The following FAT3 variants were observed in gnomAD, a reference collection of about 807,000 sequenced individuals.
FAT3 encodes the protein FAT atypical cadherin 3.
Under a neutral mutation model 310.2 loss-of-function variants are expected in FAT3, and 95 were observed. That is an observed-to-expected ratio of 0.31 (90% confidence interval 0.26 to 0.36). FAT3 has a LOEUF of 0.36. Ranked by LOEUF, FAT3 falls within the 10% of genes least tolerant of loss-of-function variation. The pLI is 1.00. For synonymous variants in FAT3, 2,314 were observed against 2,192.9 expected (o/e 1.06, Z -1.54); for missense variants, 5,408 against 5,715.6 (o/e 0.95, Z 1.74).
At chr11:92,337,425 TTTTG>T (rs1181168380) in intron 1 of FAT3, among the ~76,000 whole-genome samples, 16 of 152,272 alleles carry the variant, frequency 1.1e-4, no homozygotes, top group East Asian at 7.7e-4. Flanking sequence ...AAAACAGTTT[TTTTG>T]TTTGTTTGTT....
intron 2 of FAT3, among the ~76,000 whole-genome samples, chr11:92,367,741 T>C (rs1483332975): frequency 6.6e-6 from 1 of 152,262 alleles, no homozygotes; most frequent in African/African-American, 2.4e-5. Context: ...TCATTCATCA[T>C]GTTCCCTGTG....
chr11:92,839,638 C>T (rs966859648), intron 17 of FAT3, among the ~76,000 whole-genome samples: 5 of 152,166 alleles, frequency 3.3e-5, no homozygotes, highest in South Asian at 2.1e-4. Context: ...AGTGTATCAT[C>T]GTCTCCATCT....
intron 11 of FAT3, among the ~76,000 whole-genome samples, chr11:92,805,968 G>A (rs747533417): frequency 4.6e-5 from 7 of 152,320 alleles, no homozygotes; most frequent in Middle Eastern, 3.4e-3. Context: ...CCAAATGCTG[G>A]TAGTGGCTCT....
At chr11:92,787,326 T>C (rs1249117911) in intron 7 of FAT3, among the ~76,000 whole-genome samples, 1 of 152,032 alleles carries the variant, frequency 6.6e-6, no homozygotes, top group African/African-American at 2.4e-5. Flanking sequence ...GTATAGAAGC[T>C]GAACTGCTTT....
At chr11:92,346,636 C>T (rs895484233) in intron 1 of FAT3, among the ~76,000 whole-genome samples, 5 of 151,972 alleles carry the variant, frequency 3.3e-5, no homozygotes, top group Admixed American at 6.6e-5. Flanking sequence ...TACTATGTGC[C>T]GGACACTATG....
chr11:92,417,928 G>T (rs559418140), intron 2 of FAT3, among the ~76,000 whole-genome samples: 185 of 152,268 alleles, frequency 1.2e-3, no homozygotes, highest in Non-Finnish European at 1.9e-3. Context: ...AGTAGATATA[G>T]AAGGTGCTTT....
chr11:92,885,093 A>G (rs1486346914), intron 24 of FAT3, among the ~76,000 whole-genome samples: 1 of 152,174 alleles, frequency 6.6e-6, no homozygotes, highest in Non-Finnish European at 1.5e-5. Flanking sequence ...GCTAAAATAG[A>G]TGTATAGTGA....
chr11:92,831,652 C>A lies in FAT3; in HGVS notation c.9512C>A (p.Ala3171Glu). Reference protein sequence around the residue: ...GINRKVVYSLADSAGGVFSID... With the variant: ...GINRKVVYSLEDSAGGVFSID... The stretch of plus-strand genomic sequence containing the variant: ...AATAGGAAGGTCGTGTACTCCCTGG[C>A]AGACTCAGCTGGTGGGGTCTTCTCC... Residue 3171 changes from alanine to glutamate, a missense_variant, in exon 14 of 28, where the codon GCA (alanine) becomes GAA (glutamate). By Grantham distance (107) the Ala-to-Glu change is moderately radical (BLOSUM62 -1). Around this residue, in one of 5 missense-constraint regions of FAT3, gnomAD observed 4,588 missense variants for 4,809.8 expected, o/e 0.95. Coordinates refer to ENST00000525166, the MANE Select transcript of FAT3 (RefSeq NM_001367949.2). 6.2e-7 allele frequency: 1 copy of A among 1,613,026 alleles called. No homozygotes were observed. The highest frequency in any genetic ancestry group is 8.5e-7 in the Non-Finnish European group (1 of 1,179,660).
intron 2 of FAT3, among the ~76,000 whole-genome samples, chr11:92,503,888 T>C (rs1395649825): frequency 6.6e-6 from 1 of 152,170 alleles, no homozygotes; most frequent in Admixed American, 6.6e-5. Context: ...AGGGATTTGC[T>C]TTGTGCTCTT....
At chr11:92,884,023 CAA>C (rs879804140) in intron 24 of FAT3, among the ~76,000 whole-genome samples, 19 of 152,156 alleles carry the variant, frequency 1.2e-4, no homozygotes, top group Admixed American at 9.2e-4. Context: ...GACCATGAAA[CAA>C]GAGGGGGATC....
At chr11:92,796,565 T>C (rs1255969533) in intron 9 of FAT3, among the ~76,000 whole-genome samples, 3 of 152,198 alleles carry the variant, frequency 2.0e-5, no homozygotes, top group African/African-American at 7.2e-5. Context: ...TTAAATTATA[T>C]ACCTATCATA....
rs371129841 is a variant in FAT3 at position 92,831,723 on chromosome 11, C to T, written c.9583C>T (p.Arg3195Cys). ...CATCATCCTGGAGCAGCCACTGGACCGTGAGCAGCAGTCTTCGTACAACAT... is the reference window on the plus strand; with the variant it reads ...CATCATCCTGGAGCAGCCACTGGACTGTGAGCAGCAGTCTTCGTACAACAT... Reference protein sequence around the residue: ...GIIILEQPLDREQQSSYNISV... With the variant: ...GIIILEQPLDCEQQSSYNISV... Residue 3195 changes from arginine (R) to cysteine (C), a missense_variant, in exon 14 of 28, where the codon CGT becomes TGT. Around this residue, in one of 5 missense-constraint regions of FAT3, gnomAD observed 4,588 missense variants for 4,809.8 expected, o/e 0.95. Transcript: ENST00000525166. The T allele has an allele frequency of 4.3e-6, 7 of 1,613,390 alleles. No homozygotes were observed. The highest frequency in any genetic ancestry group is 1.7e-5 in the Admixed American group (1 of 59,970).
At chr11:92,646,519 A>T (rs574116597) in intron 3 of FAT3, among the ~76,000 whole-genome samples, 1 of 152,198 alleles carries the variant, frequency 6.6e-6, no homozygotes. Context: ...GCCATCTTTA[A>T]TGTTTCATAC....
intron 1 of FAT3, among the ~76,000 whole-genome samples, chr11:92,302,409 A>G (rs754375306): frequency 7.3e-5 from 11 of 151,712 alleles, no homozygotes; most frequent in Non-Finnish European, 8.8e-5. Context: ...GTAATTATCT[A>G]CCTTTCCTTT....
chr11:92,430,739 C>T (rs1375965947), intron 2 of FAT3, among the ~76,000 whole-genome samples: 3 of 146,242 alleles, frequency 2.1e-5, no homozygotes, highest in Non-Finnish European at 3.0e-5. Context: ...CAATTCCCAC[C>T]TATGAGTGAG....
At chr11:92,276,334 G>A (rs1033864553) in intron 1 of FAT3, among the ~76,000 whole-genome samples, 25 of 152,236 alleles carry the variant, frequency 1.6e-4, no homozygotes, top group Admixed American at 3.9e-4. Context: ...TTAGGACTGC[G>A]AGTAAGCATT....
intron 2 of FAT3, among the ~76,000 whole-genome samples, chr11:92,513,054 G>A (rs1320617000): frequency 8.9e-6 from 1 of 112,156 alleles, no homozygotes; most frequent in Admixed American, 9.9e-5. Flanking sequence ...CCCGGGAGGC[G>A]GAGCTTGCAG....
intron 2 of FAT3, among the ~76,000 whole-genome samples, chr11:92,371,018 C>T (rs1013319521): frequency 2.6e-5 from 4 of 152,164 alleles, no homozygotes; most frequent in Non-Finnish European, 2.9e-5. Context: ...ACTTTGCACA[C>T]AATTCTAATA....
intron 4 of FAT3, among the ~76,000 whole-genome samples, chr11:92,756,593 C>T (rs147945075): frequency 4.9e-4 from 74 of 152,256 alleles, no homozygotes; most frequent in African/African-American, 1.6e-3. Context: ...CTTAGACACT[C>T]TTGTAATCAC....
Sources: allele counts gnomAD v4.1 joint callset (sites outside exome capture counted in the v4.1 genomes callset), GRCh38; gene constraint gnomAD v4.1.1; regional missense constraint gnomAD v4.1.1; transcripts MANE v1.5; gene names NCBI Gene and HGNC (gene_info 2026-07-23, HGNC 2026-07-21).